The following KDM4C variants were observed in gnomAD, a reference collection of about 807,000 sequenced individuals.
KDM4C encodes the protein lysine demethylase 4C, also known as lysine-specific demethylase 4C.
KDM4C carries 81 observed loss-of-function variants against 129.3 expected under a neutral mutation model. The ratio of observed to expected loss-of-function variants is 0.63; its 90% CI spans 0.52 to 0.75. KDM4C has a LOEUF of 0.75. Ranked by LOEUF, KDM4C falls within the 30% of genes least tolerant of loss-of-function variation. The pLI is 0.00. For missense variants in KDM4C, 1,457 were observed against 1,304.0 expected (o/e 1.12, Z -1.81); for synonymous variants, 573 against 456.1 (o/e 1.26, Z -3.26).
chr9:6,969,947 C>T (rs1404171199), intron 8 of KDM4C, among the ~76,000 whole-genome samples: 1 of 152,200 alleles, frequency 6.6e-6, no homozygotes, highest in Non-Finnish European at 1.5e-5. Context: ...CTGTTAGCTT[C>T]TGTAGGATAA....
chr9:7,160,654 A>G (rs1306288103), intron 19 of KDM4C, among the ~76,000 whole-genome samples: 1 of 152,154 alleles, frequency 6.6e-6, no homozygotes, highest in African/African-American at 2.4e-5. Flanking sequence ...GGGGATCACC[A>G]TTGGAGGCAG....
intron 12 of KDM4C, 23 bp downstream of exon 12, chr9:6,990,547 G>C: frequency 8.0e-7 from 1 of 1,254,210 alleles, no homozygotes; most frequent in Non-Finnish European, 1.1e-6. Context: ...CCCTTTTTGG[G>C]ATTTTTTTTT....
intron 1 of KDM4C, among the ~76,000 whole-genome samples, chr9:6,723,149 G>A (rs1488788446): frequency 1.3e-5 from 2 of 152,022 alleles, no homozygotes; most frequent in Non-Finnish European, 2.9e-5. Context: ...CGAGGTGAGT[G>A]GATCTCCTGA....
intron 2 of KDM4C, among the ~76,000 whole-genome samples, chr9:6,804,284 C>T (rs1182688542): frequency 6.6e-6 from 1 of 152,156 alleles, no homozygotes; most frequent in African/African-American, 2.4e-5. Flanking sequence ...ACATCTCTTC[C>T]CAGCTGCTTA....
intron 15 of KDM4C, among the ~76,000 whole-genome samples, chr9:7,029,405 T>C (rs1826358554): frequency 6.6e-6 from 1 of 151,870 alleles, no homozygotes; most frequent in Admixed American, 6.6e-5. Flanking sequence ...AGGATGTTAG[T>C]TAAATGCCTG....
At chr9:7,093,393 C>T (rs1373312270) in intron 17 of KDM4C, among the ~76,000 whole-genome samples, 5 of 152,080 alleles carry the variant, frequency 3.3e-5, no homozygotes, top group African/African-American at 9.7e-5. Flanking sequence ...AAAATAACAA[C>T]ACGAAAAAAG....
Position 6,865,040 on chromosome 9 carries a change from G to A in KDM4C, c.630-14972G>A, listed in dbSNP as rs549792636. Among the ~76,000 whole-genome samples, 394 of 117,022 alleles carry A rather than the reference G, an allele frequency of 3.4e-3. 3 individuals are homozygous for A. The highest frequency in any genetic ancestry group is 0.012 in the African/African-American group (364 of 31,256). The allele number at this position is 117,022 out of a possible 152,430, so 76.8% of individuals were successfully genotyped here. On this transcript the variant is annotated intron_variant, in intron 5 of 21. Coordinates refer to ENST00000381309, the MANE Select transcript of KDM4C (RefSeq NM_015061.6). ...TTTTTTTTTTGTGAGATAGAGTCTT[G>A]CTCTATTGCCCAAGCTGGAGTGCAG...
chr9:6,859,246 G>A (rs1840478785), intron 5 of KDM4C, among the ~76,000 whole-genome samples: 2 of 152,070 alleles, frequency 1.3e-5, no homozygotes, highest in South Asian at 2.1e-4. Flanking sequence ...GGGAGGCCGA[G>A]GCAGGCAGAT....
intron 12 of KDM4C, among the ~76,000 whole-genome samples, chr9:7,004,207 G>A (rs73639492): frequency 2.4e-3 from 371 of 152,280 alleles, no homozygotes; most frequent in African/African-American, 8.4e-3. Context: ...ATTTTCCTTA[G>A]GGACGTCACT....
intron 8 of KDM4C, among the ~76,000 whole-genome samples, chr9:6,936,339 A>T (rs1824782777): frequency 6.6e-6 from 1 of 152,174 alleles, no homozygotes; most frequent in South Asian, 2.1e-4. Context: ...AATCATGGAG[A>T]TTTGTGGGCA....
At chr9:6,874,832 G>T (rs917405983) in intron 5 of KDM4C, among the ~76,000 whole-genome samples, 2 of 151,858 alleles carry the variant, frequency 1.3e-5, no homozygotes, top group Admixed American at 1.3e-4. Flanking sequence ...GTGGTGGCCT[G>T]TAATCCCAGC....
upstream of KDM4C, chr9:6,757,602 C>T (rs1818438332): frequency 1.2e-5 from 12 of 984,126 alleles, no homozygotes; most frequent in African/African-American, 1.7e-5. Context: ...CGAGGCTCCA[C>T]CCCGGTAACG....
At chr9:6,901,029 G>A (rs1817316134) in intron 8 of KDM4C, among the ~76,000 whole-genome samples, 1 of 151,400 alleles carries the variant, frequency 6.6e-6, no homozygotes, top group African/African-American at 2.4e-5. Context: ...GTTTATAATA[G>A]TAAACACATA....
chr9:6,928,796 GTCTTCC>G (rs1327023167), intron 8 of KDM4C, among the ~76,000 whole-genome samples: 1 of 152,104 alleles, frequency 6.6e-6, no homozygotes, highest in Non-Finnish European at 1.5e-5. Flanking sequence ...CCTTGGCTCT[GTCTTCC>G]TCTTTAGTGT....
At chr9:6,907,725 G>A (rs1818573980) in intron 8 of KDM4C, among the ~76,000 whole-genome samples, 1 of 152,166 alleles carries the variant, frequency 6.6e-6, no homozygotes, top group South Asian at 2.1e-4. Flanking sequence ...TCAAAATGCT[G>A]TTGAAAGAAG....
chr9:7,033,209 G>A (rs1564015520), intron 15 of KDM4C, among the ~76,000 whole-genome samples: 1 of 150,910 alleles, frequency 6.6e-6, no homozygotes, highest in Admixed American at 6.6e-5. Context: ...CTGTCAGCCT[G>A]CAAGGCCGAC....
chr9:7,157,891 C>T (rs931963843), intron 19 of KDM4C, among the ~76,000 whole-genome samples: 2 of 152,088 alleles, frequency 1.3e-5, no homozygotes, highest in Non-Finnish European at 2.9e-5. Flanking sequence ...GGGAGGAGTC[C>T]CTCTTTTTCT....
At chr9:6,816,537 T>C (rs112435259) in intron 4 of KDM4C, among the ~76,000 whole-genome samples, 1 of 152,232 alleles carries the variant, frequency 6.6e-6, no homozygotes, top group Non-Finnish European at 1.5e-5. Flanking sequence ...TGCATTCTTT[T>C]ATGTCTGGCT....
chr9:7,069,725 A>G (rs1451860582), intron 17 of KDM4C, among the ~76,000 whole-genome samples: 1 of 152,154 alleles, frequency 6.6e-6, no homozygotes, highest in Non-Finnish European at 1.5e-5. Flanking sequence ...TGTGGCTGTC[A>G]TTTTTTTCAC....
Sources: allele counts gnomAD v4.1 joint callset (sites outside exome capture counted in the v4.1 genomes callset), GRCh38; gene constraint gnomAD v4.1.1; transcripts MANE v1.5; gene names NCBI Gene and HGNC (gene_info 2026-07-23, HGNC 2026-07-21).